The following ELMO1 variants were observed in gnomAD, a reference collection of about 807,000 sequenced individuals.
The protein encoded by ELMO1 is engulfment and cell motility 1.
Under a neutral mutation model 98.9 loss-of-function variants are expected in ELMO1, and 26 were observed. The observed-to-expected ratio is 0.26, with a 90% confidence interval of 0.19 to 0.36. The LOEUF is 0.36. Among genes scored for constraint, ELMO1 ranks in the 10% least tolerant of loss-of-function variants. The pLI is 1.00. For synonymous variants in ELMO1, 346 were observed against 346.0 expected (o/e 1.00, Z 0.00); for missense variants, 627 against 935.2 (o/e 0.67, Z 4.30).
chr7:37,125,499 A>T (rs1786441043), intron 14 of ELMO1, among the ~76,000 whole-genome samples: 1 of 152,258 alleles, frequency 6.6e-6, no homozygotes, highest in Non-Finnish European at 1.5e-5. Context: ...CACTTCTCAA[A>T]AGAAGACATT....
chr7:37,155,487 C>CAAAAAAAAAAAAAAAA (rs781745325), intron 13 of ELMO1, among the ~76,000 whole-genome samples: 2 of 49,682 alleles, frequency 4.0e-5, no homozygotes, highest in African/African-American at 6.6e-5. Context: ...AAACGGAAAG[C>CAAAAAAAAAAAAAAAA]AAAAAAAAAA....
chr7:37,007,514 C>T (rs1793225787), intron 16 of ELMO1, among the ~76,000 whole-genome samples: 1 of 152,220 alleles, frequency 6.6e-6, no homozygotes, highest in South Asian at 2.1e-4. Flanking sequence ...ATGAGACTTA[C>T]AGACCACCTT....
intron 16 of ELMO1, among the ~76,000 whole-genome samples, chr7:36,976,084 T>G (rs1790518497): frequency 6.6e-6 from 1 of 152,226 alleles, no homozygotes; most frequent in African/African-American, 2.4e-5. Flanking sequence ...GCTACTTAAC[T>G]GTGCCACTGT....
chr7:37,121,462 G>C (rs957818025), intron 14 of ELMO1, among the ~76,000 whole-genome samples: 1 of 152,206 alleles, frequency 6.6e-6, no homozygotes, highest in East Asian at 1.9e-4. Context: ...CATGGCATGA[G>C]AACCACATGA....
chr7:37,237,574 A>G (rs1478156366), intron 7 of ELMO1, among the ~76,000 whole-genome samples: 1 of 152,176 alleles, frequency 6.6e-6, no homozygotes, highest in Non-Finnish European at 1.5e-5. Flanking sequence ...ACAGGCGTGA[A>G]CCACCATGCC....
At chr7:37,227,930 AG>A (rs1023042428) in intron 8 of ELMO1, among the ~76,000 whole-genome samples, 64 of 152,228 alleles carry the variant, frequency 4.2e-4, no homozygotes, top group Non-Finnish European at 7.1e-4. Flanking sequence ...TCATGTTCCT[AG>A]TAATTCACCT....
intron 13 of ELMO1, among the ~76,000 whole-genome samples, chr7:37,179,061 T>C (rs1345008353): frequency 1.3e-5 from 2 of 152,136 alleles, no homozygotes; most frequent in South Asian, 2.1e-4. Flanking sequence ...ATAATGTGTA[T>C]GATATTAGCA....
chr7:37,302,508 G>C (rs1798401098), intron 4 of ELMO1, among the ~76,000 whole-genome samples: 1 of 152,042 alleles, frequency 6.6e-6, no homozygotes, highest in African/African-American at 2.4e-5. Context: ...AAGCCACATG[G>C]AAAGGACATA....
chr7:36,905,026 G>A (rs985100103), intron 16 of ELMO1, among the ~76,000 whole-genome samples: 1 of 152,210 alleles, frequency 6.6e-6, no homozygotes, highest in Non-Finnish European at 1.5e-5. Context: ...TTAGTGGGTG[G>A]CATTTAATCC....
intron 1 of ELMO1, among the ~76,000 whole-genome samples, chr7:37,381,190 C>A (rs1040814289): frequency 6.6e-6 from 1 of 152,152 alleles, no homozygotes; most frequent in Non-Finnish European, 1.5e-5. Flanking sequence ...CAGAATCTGC[C>A]AATAGCACAG....
chr7:37,095,352 G>C (rs999451835), intron 15 of ELMO1, among the ~76,000 whole-genome samples: 1 of 152,214 alleles, frequency 6.6e-6, no homozygotes, highest in Admixed American at 6.5e-5. Context: ...TGAGTAAACA[G>C]TAAGCAATAC....
At chr7:37,024,492 C>T (rs921046261) in intron 15 of ELMO1, among the ~76,000 whole-genome samples, 2 of 152,182 alleles carry the variant, frequency 1.3e-5, no homozygotes, top group African/African-American at 4.8e-5. Context: ...ATCCAGTGAA[C>T]TGATATTTCA....
At position 36,919,429 on chromosome 7, in the gene ELMO1, A is replaced by G. The variant is rs756011603; in HGVS notation, c.1438-24412T>C. ...AGGCTCAGAATGGCTCAGGAGAAGT[A>G]GCATAGTAAACTAGGAAGAATGTGG... On this transcript the variant is annotated intron_variant, in intron 16 of 21. Transcript: ENST00000310758. 3.8e-5 allele frequency: 20 copies of G among 526,504 alleles called. 1 individual carries two copies. Among genetic ancestry groups the G allele is most frequent in the Middle Eastern group, 6.4e-4 (2 of 3,148 alleles). The allele number at this position is 526,504 out of a possible 1,614,324, so 32.6% of individuals were successfully genotyped here.
chr7:37,421,527 T>G (rs12533811), intron 1 of ELMO1, among the ~76,000 whole-genome samples: 35,263 of 152,162 alleles, frequency 0.23, 4,314 homozygotes, highest in East Asian at 0.41. Context: ...CTATAAATCT[T>G]TCCCTGTGAG....
At chr7:36,952,753 A>AT (rs1788073622) in intron 16 of ELMO1, among the ~76,000 whole-genome samples, 1 of 152,154 alleles carries the variant, frequency 6.6e-6, no homozygotes, top group Non-Finnish European at 1.5e-5. Flanking sequence ...GTCCACTTAC[A>AT]TAAGAGAAAT....
intron 13 of ELMO1, among the ~76,000 whole-genome samples, chr7:37,210,588 TACACAC>T (rs1158995459): frequency 6.6e-6 from 1 of 151,436 alleles, no homozygotes; most frequent in Non-Finnish European, 1.5e-5. Context: ...CTTATATATA[TACACAC>T]ACAGACACAC....
At chr7:37,344,539 T>C (rs919677283) in intron 1 of ELMO1, among the ~76,000 whole-genome samples, 2 of 152,242 alleles carry the variant, frequency 1.3e-5, no homozygotes, top group Non-Finnish European at 2.9e-5. Context: ...CATAAACTTA[T>C]ATATAACTGA....
chr7:36,861,510 A>T, intron 21 of ELMO1, 149 bp downstream of exon 21: 1 of 783,772 alleles, frequency 1.3e-6, no homozygotes, highest in Non-Finnish European at 2.0e-6. Context: ...GTTTGTCAAG[A>T]GGTTTCTATT....
rs1797134663 is a variant in ELMO1, at chr7:37,281,416, G to A, written c.193-9534C>T. On this transcript the variant is annotated intron_variant, in intron 4 of 21. Coordinates refer to ENST00000310758, the MANE Select transcript of ELMO1 (RefSeq NM_014800.11). The stretch of plus-strand genomic sequence containing the variant: ...GTGTGAGGAAGAAAAAAACAATGAG[G>A]CAATACCCCCCACAAACAGGGAAAG... 5.9e-5 allele frequency among the ~76,000 whole-genome samples: 9 copies of A among 152,186 alleles called. No homozygotes were observed. In the South Asian group the frequency reaches 1.9e-3, roughly 32 times the overall value.
Sources: gnomAD v4.1 joint callset for allele counts (sites outside exome capture counted in the v4.1 genomes callset) on GRCh38, gnomAD v4.1.1 for gene constraint, MANE v1.5 for transcripts, NCBI Gene and HGNC (gene_info 2026-07-23, HGNC 2026-07-21) for gene names.